Variants in RBPMS observed in about 807,000 individuals in gnomAD.
RBPMS encodes the protein RNA-binding protein with multiple splicing.
RBPMS carries 7 observed loss-of-function variants against 26.8 expected under a neutral mutation model. That is an observed-to-expected ratio of 0.26 (90% confidence interval 0.15 to 0.49). The LOEUF is 0.49. Ranked by LOEUF, RBPMS falls within the 20% of genes least tolerant of loss-of-function variation. The pLI is 0.98. For synonymous variants in RBPMS, 96 were observed against 93.3 expected, an observed-to-expected ratio of 1.03 and a Z score of -0.17; for missense variants, 186 against 250.0, an observed-to-expected ratio of 0.74 and a Z score of 1.73.
chr8:30,455,274 G>C (rs1237967820), intron 1 of RBPMS, among the ~76,000 whole-genome samples: 1 of 152,116 alleles, frequency 6.6e-6, no homozygotes, highest in Non-Finnish European at 1.5e-5. Context: ...TTCTCTAAGT[G>C]AGTGTGTCAT....
intron 7 of RBPMS, among the ~76,000 whole-genome samples, chr8:30,560,382 T>G (rs1827355362): frequency 6.6e-6 from 1 of 152,108 alleles, no homozygotes; most frequent in Admixed American, 6.5e-5. Context: ...GTAATGGGCA[T>G]GAGAGTGTCG....
At position 30,571,128 on chromosome 8, in the gene RBPMS, G is replaced by C. The variant is rs948030555; in HGVS notation, c.*603G>C. 6.6e-6 allele frequency: 1 copy of C among 152,210 alleles called. No individual in the cohort carries two copies. The highest frequency in any genetic ancestry group is 1.5e-5 in the Non-Finnish European group (1 of 68,048). The allele number at this position is 152,210 out of a possible 1,614,324, so 9.4% of individuals were successfully genotyped here. A position where few individuals can be genotyped will look rare whatever the true frequency, so the allele number is the denominator to read the frequency against. ...AGCATGGTGTTAGATGTTAGAAACA[G>C]AACTGTTATTTGCAGTGTTAGGTCT... is the stretch of plus-strand genomic sequence containing the variant. On this transcript the variant is annotated 3_prime_UTR_variant, in exon 9 of 9. Transcript: ENST00000397323.
At chr8:30,556,935 A>G (rs1222753344) in intron 6 of RBPMS, 3 of 234,652 alleles carry the variant, frequency 1.3e-5, no homozygotes, top group African/African-American at 2.5e-5. Flanking sequence ...ACACACTTCT[A>G]ATTTCCCAGA....
At chr8:30,437,838 A>G (rs1585458265) in intron 1 of RBPMS, among the ~76,000 whole-genome samples, 2 of 151,746 alleles carry the variant, frequency 1.3e-5, no homozygotes, top group East Asian at 3.9e-4. Flanking sequence ...ACATGCCTGT[A>G]ATCCCAGCTA....
chr8:30,451,269 T>A (rs1814553286), intron 1 of RBPMS, among the ~76,000 whole-genome samples: 2 of 152,192 alleles, frequency 1.3e-5, no homozygotes, highest in Admixed American at 6.5e-5. Flanking sequence ...CAAGCTAAAA[T>A]CGTTGAATCA....
rs570915302 is a variant in RBPMS, at chr8:30,440,001, A to C, written c.67-34778A>C. 1.2e-3 allele frequency among the ~76,000 whole-genome samples: 183 copies of C among 152,254 alleles called. 1 individual carries two copies. The highest frequency in any genetic ancestry group is 6.8e-3 in the Middle Eastern group (2 of 294). On this transcript the variant is annotated intron_variant, in intron 1 of 8. Transcript: ENST00000397323. ...AGACCAGCCTGAGCAACATAGTGAGACCTCGTCTCTACAATCAATCAGTCA... is the reference window on the plus strand; with the variant it reads ...AGACCAGCCTGAGCAACATAGTGAGCCCTCGTCTCTACAATCAATCAGTCA...
chr8:30,496,731 T>C (rs916867021), intron 4 of RBPMS, among the ~76,000 whole-genome samples: 1 of 152,238 alleles, frequency 6.6e-6, no homozygotes, highest in Non-Finnish European at 1.5e-5. Context: ...CACAGTGATA[T>C]ATTAATAAAT....
rs143732361 is a variant in RBPMS at position 30,421,172 on chromosome 8, A to T, written c.66+36014A>T. ...GGAGGTGTGTGTGTGTGTGAGAGAG[A>T]GTGTGTGTGTGTGAGTGTGCGCATG... is the stretch of plus-strand genomic sequence containing the variant. On this transcript the variant is annotated intron_variant, in intron 1 of 8. Coordinates refer to ENST00000397323, the MANE Select transcript of RBPMS (RefSeq NM_001008710.3). Among the ~76,000 whole-genome samples, 264 of 150,608 alleles carry T rather than the reference A, an allele frequency of 1.8e-3. 1 individual carries two copies. Among genetic ancestry groups the T allele is most frequent in the African/African-American group, 6.1e-3 (249 of 40,802 alleles).
At chr8:30,463,243 T>G (rs1339233131) in intron 1 of RBPMS, among the ~76,000 whole-genome samples, 4 of 152,238 alleles carry the variant, frequency 2.6e-5, no homozygotes, top group African/African-American at 4.8e-5. Context: ...GCAAAAACTA[T>G]GTAGCAAATT....
chr8:30,448,797 G>T (rs925052733), intron 1 of RBPMS, among the ~76,000 whole-genome samples: 1 of 152,196 alleles, frequency 6.6e-6, no homozygotes, highest in Non-Finnish European at 1.5e-5. Flanking sequence ...TTGGATTCAG[G>T]ATTAAATAGT....
chr8:30,429,865 GA>G (rs1250048884), intron 1 of RBPMS, among the ~76,000 whole-genome samples: 1 of 152,208 alleles, frequency 6.6e-6, no homozygotes, highest in Non-Finnish European at 1.5e-5. Flanking sequence ...TGTTTTAGAA[GA>G]AGTTAAATAA....
chr8:30,408,365 C>G (rs2150571036), intron 1 of RBPMS, among the ~76,000 whole-genome samples: 1 of 152,238 alleles, frequency 6.6e-6, no homozygotes, highest in African/African-American at 2.4e-5. Context: ...TCTGTCTCTA[C>G]TAAAAGTACA....
intron 4 of RBPMS, among the ~76,000 whole-genome samples, chr8:30,495,219 CAA>C (rs1409026514): frequency 1.3e-5 from 2 of 150,324 alleles, no homozygotes; most frequent in South Asian, 2.1e-4. Flanking sequence ...CTAAAACATT[CAA>C]AAGAGGATAA....
chr8:30,507,087 A>C (rs1426936337), intron 5 of RBPMS, among the ~76,000 whole-genome samples: 1 of 152,154 alleles, frequency 6.6e-6, no homozygotes, highest in East Asian at 1.9e-4. Context: ...CACCTGCTCT[A>C]TTTGTGCCAG....
intron 4 of RBPMS, among the ~76,000 whole-genome samples, chr8:30,484,549 C>G (rs929338766): frequency 5.3e-5 from 8 of 151,974 alleles, no homozygotes; most frequent in African/African-American, 1.9e-4. Context: ...AAAATGGCTG[C>G]CACTCAGACT....
At chr8:30,540,468 C>T (rs910190372) in intron 5 of RBPMS, among the ~76,000 whole-genome samples, 2 of 152,122 alleles carry the variant, frequency 1.3e-5, no homozygotes, top group Non-Finnish European at 2.9e-5. Context: ...GTTGCCCTGG[C>T]TAGAAGTGTA....
chr8:30,532,424 T>C (rs1824323071), intron 5 of RBPMS, among the ~76,000 whole-genome samples: 1 of 152,232 alleles, frequency 6.6e-6, no homozygotes, highest in Non-Finnish European at 1.5e-5. Flanking sequence ...GTTACTGTTG[T>C]TTGACACTGT....
chr8:30,461,648 A>G (rs1049372897), intron 1 of RBPMS, among the ~76,000 whole-genome samples: 9 of 151,784 alleles, frequency 5.9e-5, no homozygotes, highest in African/African-American at 1.2e-4. Context: ...ACCCGCCTTG[A>G]CCTCCCAAAG....
rs369124491 is a variant in RBPMS at position 30,561,715 on chromosome 8, A to G, written c.*7+2759A>G. ...CTTCTGTCAGTCAGATGCTTCAGGA[A>G]AGTCAAGCATGGTGAGAGAAGACCT... On this transcript the variant is annotated intron_variant, in intron 7 of 8. Transcript: ENST00000397323. Among the ~76,000 whole-genome samples the G allele has an allele frequency of 3.8e-4, 58 of 152,256 alleles. No homozygotes were observed. In the East Asian group the frequency reaches 9.5e-3, roughly 25 times the overall value.
Sources: gnomAD v4.1 joint callset for allele counts (sites outside exome capture counted in the v4.1 genomes callset) on GRCh38, gnomAD v4.1.1 for gene constraint, MANE v1.5 for transcripts, NCBI Gene and HGNC (gene_info 2026-07-23, HGNC 2026-07-21) for gene names.